PXT1: variants seen among roughly 807,000 people sequenced by gnomAD.
PXT1 encodes peroxisomal testis enriched protein 1.
A neutral mutation model predicts 11.0 loss-of-function variants in PXT1; 11 were observed. The observed-to-expected ratio is 1.00, with a 90% CI of 0.63 to 1.66. The LOEUF is 1.66. Among genes scored for constraint, PXT1 ranks in the 40% most tolerant of loss-of-function variants. The pLI, the probability that PXT1 is intolerant of heterozygous loss-of-function variation, is 0.00. For missense variants in PXT1, 141 were observed against 155.5 expected, an observed-to-expected ratio of 0.91 and a Z score of 0.49; for synonymous variants, 43 against 51.4, an observed-to-expected ratio of 0.84 and a Z score of 0.70.
At chr6:36,400,161 TTCTGACTGTGTGGGCTGG>T (rs1774193767) in intron 4 of PXT1, among the ~76,000 whole-genome samples, 1 of 152,214 alleles carries the variant, frequency 6.6e-6, no homozygotes, top group Admixed American at 6.5e-5. Context: ...TAGATTCTGA[TTCTGACTGTGTGGGCTGG>T]TCTGACTGTG....
At chr6:36,395,058 G>C (rs1774124187) in intron 4 of PXT1, among the ~76,000 whole-genome samples, 2 of 152,114 alleles carry the variant, frequency 1.3e-5, no homozygotes. Flanking sequence ...GCCCAGGCTG[G>C]TCTCAAACTC....
chr6:36,407,280 C>A (rs564038042), intron 3 of PXT1, among the ~76,000 whole-genome samples: 2 of 152,248 alleles, frequency 1.3e-5, no homozygotes, highest in African/African-American at 4.8e-5. Flanking sequence ...AGCTATACCA[C>A]CATATTGTAA....
intron 4 of PXT1, among the ~76,000 whole-genome samples, chr6:36,399,528 T>G (rs1374103088): frequency 6.6e-6 from 1 of 152,214 alleles, no homozygotes; most frequent in Non-Finnish European, 1.5e-5. Context: ...GGAAAGGCTG[T>G]GTGTTGTCCA....
intron 3 of PXT1, among the ~76,000 whole-genome samples, chr6:36,424,457 C>T (rs1373072618): frequency 6.6e-6 from 1 of 151,372 alleles, no homozygotes; most frequent in Non-Finnish European, 1.5e-5. Context: ...CTGGCTAACA[C>T]GGTGAAACCC....
chr6:36,437,642 T>A (rs1774786005), intron 2 of PXT1, among the ~76,000 whole-genome samples: 1 of 149,512 alleles, frequency 6.7e-6, no homozygotes. Flanking sequence ...GCCTCCTGAG[T>A]AGCTGGGACT....
chr6:36,391,881 GA>G lies in PXT1; in HGVS notation c.301-8del. Reference sequence around the variant, plus strand: ...TGCCATCCTGTTGAAGATCCTATTTGAAAAAAGGGAGACACAGAGAAAGGTT... The same window carrying G: ...TGCCATCCTGTTGAAGATCCTATTTGAAAAAGGGAGACACAGAGAAAGGTT... On this transcript the variant is annotated splice_region_variant and splice_polypyrimidine_tract_variant and intron_variant, in intron 4 of 4. Coordinates refer to ENST00000454782, the MANE Select transcript of PXT1 (RefSeq NM_152990.4). 1.3e-6 allele frequency: 2 copies of G among 1,507,086 alleles called. No homozygotes were observed. The highest frequency in any genetic ancestry group is 1.8e-6 in the Non-Finnish European group (2 of 1,110,338). The allele number at this position is 1,507,086 out of a possible 1,614,324, so 93.4% of individuals were successfully genotyped here.
intron 3 of PXT1, among the ~76,000 whole-genome samples, chr6:36,424,240 T>G (rs1305365905): frequency 6.6e-6 from 1 of 152,238 alleles, no homozygotes; most frequent in Non-Finnish European, 1.5e-5. Context: ...GAACTTTATG[T>G]TAAGTGAATT....
chr6:36,408,818 C>T (rs777858357), intron 3 of PXT1, among the ~76,000 whole-genome samples: 1 of 151,642 alleles, frequency 6.6e-6, no homozygotes, highest in Non-Finnish European at 1.5e-5. Flanking sequence ...GAGGTTGAGG[C>T]TGCAGTGACC....
At chr6:36,435,188 C>T (rs955403871) in intron 2 of PXT1, among the ~76,000 whole-genome samples, 2 of 151,962 alleles carry the variant, frequency 1.3e-5, no homozygotes, top group African/African-American at 4.8e-5. Flanking sequence ...GTCTTTAATC[C>T]CAGCATTTGG....
intron 3 of PXT1, among the ~76,000 whole-genome samples, chr6:36,416,850 T>C (rs1774456425): frequency 6.6e-6 from 1 of 152,092 alleles, no homozygotes; most frequent in South Asian, 2.1e-4. Flanking sequence ...AGAATGCAAA[T>C]GGTAACAACT....
intron 3 of PXT1, among the ~76,000 whole-genome samples, chr6:36,419,675 T>C (rs968415860): frequency 6.6e-6 from 1 of 152,234 alleles, no homozygotes; most frequent in Non-Finnish European, 1.5e-5. Flanking sequence ...ATTTGTTGAT[T>C]AGGTTAGGGT....
At chr6:36,423,682 T>G (rs1423135355) in intron 3 of PXT1, among the ~76,000 whole-genome samples, 1 of 152,070 alleles carries the variant, frequency 6.6e-6, no homozygotes, top group African/African-American at 2.4e-5. Context: ...CATCCCTCAT[T>G]TCTTCAGTGG....
intron 3 of PXT1, among the ~76,000 whole-genome samples, chr6:36,416,864 A>C (rs958382459): frequency 6.6e-6 from 1 of 152,218 alleles, no homozygotes; most frequent in Non-Finnish European, 1.5e-5. Flanking sequence ...AACAACTTCA[A>C]AAATGTAAGA....
At chr6:36,398,628 C>T (rs1470721788) in intron 4 of PXT1, among the ~76,000 whole-genome samples, 2 of 152,154 alleles carry the variant, frequency 1.3e-5, no homozygotes, top group African/African-American at 4.8e-5. Flanking sequence ...CACAAAGTTC[C>T]ATGTTGTGTT....
In PXT1 at chr6:36,442,627, T is replaced by C. The variant is rs892139188; in HGVS notation, c.-222A>G. The C allele has an allele frequency of 1.3e-5, 2 of 152,170 alleles. No homozygotes were observed. The highest frequency in any genetic ancestry group is 6.5e-5 in the Admixed American group (1 of 15,280). 9.4% of individuals were successfully genotyped at this position (152,170 alleles called of 1,614,324 possible). On this transcript the variant is annotated 5_prime_UTR_variant, in exon 1 of 5. Transcript: ENST00000454782. ...TCCAGGGTAGTGACTTTCGAGCAAA[T>C]GCGTTTAAGCAACTCCAGTATTCTT...
intron 3 of PXT1, among the ~76,000 whole-genome samples, chr6:36,420,466 A>C (rs1341315876): frequency 6.6e-6 from 1 of 152,206 alleles, no homozygotes; most frequent in African/African-American, 2.4e-5. Flanking sequence ...AATAGGAACA[A>C]AAGTCCATAT....
chr6:36,433,685 C>T (rs997862335), intron 2 of PXT1, among the ~76,000 whole-genome samples: 2 of 151,452 alleles, frequency 1.3e-5, no homozygotes, highest in African/African-American at 2.4e-5. Flanking sequence ...ATTAGCCAGG[C>T]GTGGTGGCAG....
At chr6:36,392,103 A>G (rs1774077790) in intron 4 of PXT1, 1 of 424,932 alleles carries the variant, frequency 2.4e-6, no homozygotes, top group Non-Finnish European at 4.2e-6. Flanking sequence ...CGTCTTTCCC[A>G]CCTGGCCTCA....
At chr6:36,417,915 G>A (rs1305870421) in intron 3 of PXT1, among the ~76,000 whole-genome samples, 2 of 152,110 alleles carry the variant, frequency 1.3e-5, no homozygotes, top group Non-Finnish European at 2.9e-5. Flanking sequence ...GTAATTTTGT[G>A]GGCAGGGCGC....
Sources: allele counts gnomAD v4.1 joint callset (sites outside exome capture counted in the v4.1 genomes callset), GRCh38; gene constraint gnomAD v4.1.1; transcripts MANE v1.5; gene names NCBI Gene and HGNC (gene_info 2026-07-23, HGNC 2026-07-21).